Variants in FAAH2 observed in about 807,000 individuals in gnomAD.
The protein encoded by FAAH2 is fatty-acid amide hydrolase 2.
In FAAH2, 60 loss-of-function variants were observed where a neutral mutation model predicts 36.9. That is an observed-to-expected ratio of 1.63 (90% confidence interval 1.32 to 2.02). The LOEUF (loss-of-function observed/expected upper bound fraction) is 2.02, where lower values mean the gene tolerates loss of function less well. Among genes scored for constraint, FAAH2 ranks in the 30% most tolerant of loss-of-function variants. The probability of loss-of-function intolerance (pLI) is 0.00; values close to 1 mark genes in which losing one functional copy is unlikely to be tolerated. For missense variants in FAAH2, 689 were observed against 397.5 expected, an observed-to-expected ratio of 1.73 and a Z score of -6.23; for synonymous variants, 214 against 143.8, an observed-to-expected ratio of 1.49 and a Z score of -3.49.
At chrX:57,254,931 C>T in the FAAH2 span, among the ~76,000 whole-genome samples, 3 of 110,837 alleles carry the variant, frequency 2.7e-5, no homozygotes, top group Non-Finnish European at 5.7e-5. Flanking sequence ...CAGAGCAGAA[C>T]TGAAGGAGAT....
At chrX:57,278,932 G>A in the FAAH2 span, among the ~76,000 whole-genome samples, 3 of 111,641 alleles carry the variant, frequency 2.7e-5, no homozygotes, top group Admixed American at 1.9e-4. Context: ...ATAGAATAAC[G>A]ATCATTAAAA....
intron 8 of FAAH2, among the ~76,000 whole-genome samples, chrX:57,435,709 C>T (rs1171807691): frequency 2.7e-5 from 3 of 111,038 alleles, no homozygotes; most frequent in Non-Finnish European, 5.7e-5. Flanking sequence ...AATATTACTA[C>T]ATCTAAAGAG....
chrX:57,270,030 CA>C, the FAAH2 span, among the ~76,000 whole-genome samples: 1 of 111,518 alleles, frequency 9.0e-6, no homozygotes, highest in Non-Finnish European at 1.9e-5. Flanking sequence ...TCAGAAACTA[CA>C]AGGGGATATT....
chrX:57,373,326 A>G (rs1397782949), intron 5 of FAAH2, among the ~76,000 whole-genome samples: 3 of 110,610 alleles, frequency 2.7e-5, no homozygotes, highest in African/African-American at 9.8e-5. Context: ...TAGTGGCTGT[A>G]CTAGTTTACA....
intron 10 of FAAH2, among the ~76,000 whole-genome samples, chrX:57,458,962 C>T (rs1348336866): frequency 3.6e-5 from 4 of 111,725 alleles, no homozygotes; most frequent in Non-Finnish European, 3.8e-5. Context: ...TGGAACTCCA[C>T]CAAGACAGAA....
the FAAH2 span, among the ~76,000 whole-genome samples, chrX:57,239,431 G>A: frequency 3.7e-5 from 4 of 109,098 alleles, no homozygotes; most frequent in East Asian, 8.7e-4. Context: ...TTTCTTGATG[G>A]GGTTTTCTTT....
chrX:57,180,564 A>G, the FAAH2 span, among the ~76,000 whole-genome samples: 1 of 111,593 alleles, frequency 9.0e-6, no homozygotes, highest in South Asian at 3.7e-4. Context: ...AGGCAAAAGC[A>G]GAAATAAATT....
At chrX:57,217,422 G>A in the FAAH2 span, among the ~76,000 whole-genome samples, 1 of 111,517 alleles carries the variant, frequency 9.0e-6, no homozygotes, top group Admixed American at 9.5e-5. Context: ...TAGGTCTTAG[G>A]TTTAAGTCTT....
chrX:57,357,531 G>C (rs766175385), intron 5 of FAAH2, among the ~76,000 whole-genome samples: 3 of 111,974 alleles, frequency 2.7e-5, no homozygotes, highest in African/African-American at 9.7e-5. Context: ...CAAAGGATAT[G>C]AATAGAGACT....
At chrX:57,422,132 T>C (rs571909259) in intron 7 of FAAH2, among the ~76,000 whole-genome samples, 1 of 111,670 alleles carries the variant, frequency 9.0e-6, no homozygotes, top group African/African-American at 3.3e-5. Flanking sequence ...CCAGGGGATG[T>C]GTTAATTTGC....
At chrX:57,331,531 C>T (rs2053405270) in intron 3 of FAAH2, 67 bp from the exon 4 acceptor site, 5 of 985,348 alleles carry the variant, frequency 5.1e-6, no homozygotes, top group East Asian at 3.3e-5. Flanking sequence ...GGCCATCTTG[C>T]CCCTCAGGAG....
At chrX:57,242,555 T>A in the FAAH2 span, among the ~76,000 whole-genome samples, 5 of 111,533 alleles carry the variant, frequency 4.5e-5, no homozygotes, top group Non-Finnish European at 9.4e-5. Flanking sequence ...CCAACTGAGT[T>A]ACCTGGCTCA....
chrX:57,422,084 A>G (rs1232735285), intron 7 of FAAH2, among the ~76,000 whole-genome samples: 1 of 111,770 alleles, frequency 8.9e-6, no homozygotes, highest in African/African-American at 3.3e-5. Flanking sequence ...CATAGGAAAA[A>G]AAAAACATTC....
chrX:57,175,627 A>G, the FAAH2 span, among the ~76,000 whole-genome samples: 1 of 110,687 alleles, frequency 9.0e-6, no homozygotes, highest in Non-Finnish European at 1.9e-5. Flanking sequence ...TTACCTAGAT[A>G]TTTTGTTTTC....
At chrX:57,448,049 A>G (rs2056715028) in intron 9 of FAAH2, among the ~76,000 whole-genome samples, 1 of 111,560 alleles carries the variant, frequency 9.0e-6, no homozygotes, top group Non-Finnish European at 1.9e-5. Flanking sequence ...GAGTGCAGTG[A>G]TGCAATCATG....
rs1348168310 is a variant in FAAH2 at position 57,396,108 on chromosome X, G to A, written c.996+15079G>A. 5.4e-5 allele frequency among the ~76,000 whole-genome samples: 6 copies of A among 110,995 alleles called. No individual in the cohort carries two copies. The Admixed American group carries it at 5.7e-4, about 11-fold the overall frequency. ...TCCAGGAAGTATCCATGTTTTCTAG[G>A]TTTTCTAGTTTGTGTTCATAATAGT... On this transcript the variant is annotated intron_variant, in intron 7 of 10. Coordinates refer to ENST00000374900, the MANE Select transcript of FAAH2 (RefSeq NM_174912.4).
the FAAH2 span, among the ~76,000 whole-genome samples, chrX:57,255,953 G>T: frequency 2.7e-5 from 3 of 111,666 alleles, no homozygotes; most frequent in Non-Finnish European, 5.7e-5. Context: ...AAGCAATAAA[G>T]GGTATCCAAA....
the FAAH2 span, among the ~76,000 whole-genome samples, chrX:57,254,511 C>A: frequency 4.5e-5 from 5 of 111,654 alleles, no homozygotes; most frequent in African/African-American, 9.8e-5. Context: ...TAAAATTGAC[C>A]ACATAGTTGG....
chrX:57,250,533 G>C, the FAAH2 span, among the ~76,000 whole-genome samples: 1 of 110,728 alleles, frequency 9.0e-6, no homozygotes, highest in Non-Finnish European at 1.9e-5. Flanking sequence ...AAAATAGTGC[G>C]TTTGTTAGGT....
Sources: gnomAD v4.1 joint callset for allele counts (sites outside exome capture counted in the v4.1 genomes callset) on GRCh38, gnomAD v4.1.1 for gene constraint, MANE v1.5 for transcripts, NCBI Gene and HGNC (gene_info 2026-07-23, HGNC 2026-07-21) for gene names.